The following SND1 variants were observed in gnomAD, a reference collection of about 807,000 sequenced individuals.
SND1 encodes the protein staphylococcal nuclease domain-containing protein 1.
Under a neutral mutation model 121.7 loss-of-function variants are expected in SND1, and 38 were observed. The observed-to-expected ratio is 0.31, with a 90% confidence interval of 0.24 to 0.41. The LOEUF is 0.41. Among genes scored for constraint, SND1 ranks in the 10% least tolerant of loss-of-function variants. SND1 has a pLI of 1.00. For missense variants in SND1, 868 were observed against 1,184.6 expected (o/e 0.73, Z 3.92); for synonymous variants, 401 against 447.4 (o/e 0.90, Z 1.31).
intron 16 of SND1, among the ~76,000 whole-genome samples, chr7:128,022,074 C>T (rs1038366416): frequency 1.3e-5 from 2 of 151,686 alleles, no homozygotes; most frequent in Non-Finnish European, 1.5e-5. Flanking sequence ...CGTGGTGGTG[C>T]GCACCTGTAA....
chr7:128,027,909 T>G (rs912703487), intron 16 of SND1: 1 of 152,198 alleles, frequency 6.6e-6, no homozygotes, highest in African/African-American at 2.4e-5. Context: ...AGGAATCTGG[T>G]GCAATGTGAA....
intron 2 of SND1, 35 bp from the exon 3 acceptor site, chr7:127,694,793 C>A: frequency 1.2e-6 from 2 of 1,609,268 alleles, no homozygotes; most frequent in Non-Finnish European, 1.7e-6. Flanking sequence ...TGAAACTAGG[C>A]AGTTCTCATG....
intron 10 of SND1, among the ~76,000 whole-genome samples, chr7:127,743,061 G>A (rs1015668874): frequency 1.3e-5 from 2 of 152,138 alleles, no homozygotes; most frequent in African/African-American, 2.4e-5. Context: ...CTTGCTTCAG[G>A]AATTTTTGTC....
intron 15 of SND1, among the ~76,000 whole-genome samples, chr7:127,975,473 C>T (rs571840513): frequency 4.0e-5 from 6 of 151,218 alleles, no homozygotes; most frequent in South Asian, 2.1e-4. Context: ...GAGATTGACT[C>T]CCCTCTGCTT....
In SND1 at chr7:128,074,555, G is replaced by A. The variant is rs758019934; in HGVS notation, c.1833G>A (p.Leu611=). The change falls in exon 17 of 24, where the codon CTG becomes CTA. Residue 611 remains leucine (L), a synonymous_variant. Coordinates refer to ENST00000354725, the MANE Select transcript of SND1 (RefSeq NM_014390.4). ...AGGCCGGCAACTTTATCGGCTGGCT[G>A]CACATCGACGGTGCCAACCTGTCCG... ...MDKAGNFIGW[L]HIDGANLSVL... The A allele has an allele frequency of 1.2e-6, 2 of 1,613,354 alleles. No homozygotes were observed. The highest frequency in any genetic ancestry group is 1.7e-5 in the Admixed American group (1 of 59,986).
At chr7:127,914,698 A>G (rs754499902) in intron 14 of SND1, among the ~76,000 whole-genome samples, 1 of 152,226 alleles carries the variant, frequency 6.6e-6, no homozygotes, top group Non-Finnish European at 1.5e-5. Flanking sequence ...GTTAGTAACT[A>G]TAAGCGGGCT....
intron 12 of SND1, among the ~76,000 whole-genome samples, chr7:127,865,530 A>G (rs952335753): frequency 6.6e-6 from 1 of 152,220 alleles, no homozygotes; most frequent in Non-Finnish European, 1.5e-5. Context: ...CAAACAAACA[A>G]AAGATTTAAT....
intron 16 of SND1, among the ~76,000 whole-genome samples, chr7:128,063,332 GCC>G (rs35767136): frequency 6.6e-6 from 1 of 152,200 alleles, no homozygotes; most frequent in Non-Finnish European, 1.5e-5. Context: ...GTGCAAAACA[GCC>G]CCTTCTGTTC....
chr7:128,068,883 T>TTCA (rs2117043494), intron 16 of SND1, among the ~76,000 whole-genome samples: 1 of 152,322 alleles, frequency 6.6e-6, no homozygotes, highest in Non-Finnish European at 1.5e-5. Context: ...CCAGAACAAT[T>TTCA]TCATTAGTGG....
At position 127,652,471 on chromosome 7, in the gene SND1, A is replaced by T. The variant is rs1443251206; in HGVS notation, c.78+20A>T. On this transcript the variant is annotated intron_variant, in intron 1 of 23. Transcript: ENST00000354725. ...AAGATGGTGAGAACGGGCCCCGGAC[A>T]CCGACCCCTCTGCCTGCCTTCGGGC... 9 of 1,551,488 alleles carry T rather than the reference A, an allele frequency of 5.8e-6. No individual in the cohort carries two copies. Among genetic ancestry groups the T allele is most frequent in the Non-Finnish European group, 7.9e-6 (9 of 1,145,768 alleles).
intron 12 of SND1, among the ~76,000 whole-genome samples, chr7:127,869,591 G>A (rs1490665902): frequency 2.0e-5 from 3 of 152,010 alleles, no homozygotes; most frequent in African/African-American, 7.2e-5. Context: ...AAGTGGCAAG[G>A]GTAGTAGAGA....
At chr7:127,667,855 T>G (rs927583295) in intron 1 of SND1, among the ~76,000 whole-genome samples, 180 of 134,690 alleles carry the variant, frequency 1.3e-3, no homozygotes, top group Non-Finnish European at 2.8e-3. Flanking sequence ...TAGGTCTTTA[T>G]GTCAAAATGA....
intron 13 of SND1, 124 bp downstream of exon 13, chr7:127,888,136 A>G: frequency 1.7e-6 from 1 of 584,082 alleles, no homozygotes. Flanking sequence ...ATGTATTATT[A>G]TTCTAGATTT....
chr7:127,794,395 C>T (rs933698032), intron 10 of SND1, among the ~76,000 whole-genome samples: 1 of 152,278 alleles, frequency 6.6e-6, no homozygotes, highest in Non-Finnish European at 1.5e-5. Context: ...AAATCTGGCT[C>T]AGTTGAAGGT....
At chr7:127,833,570 T>C (rs976255903) in intron 11 of SND1, among the ~76,000 whole-genome samples, 3 of 152,120 alleles carry the variant, frequency 2.0e-5, no homozygotes, top group Non-Finnish European at 4.4e-5. Flanking sequence ...CAGCCTGAAC[T>C]GTCTTATTGA....
rs149697857 is a variant in SND1, at chr7:127,749,354, C to T, written c.1152+27954C>T. ...ATAGGCCTGGAAGGTAACTTGGATC[C>T]CAAATGAAACAGTCTTGAAAGCTAT... On this transcript the variant is annotated intron_variant, in intron 10 of 23. Transcript: ENST00000354725. Among the ~76,000 whole-genome samples, 679 of 152,254 alleles carry T rather than the reference C, an allele frequency of 4.5e-3. 17 individuals are homozygous for T. The highest frequency in any genetic ancestry group is 2.2e-3 in the Non-Finnish European group (153 of 68,008).
intron 11 of SND1, among the ~76,000 whole-genome samples, chr7:127,812,075 A>G (rs1269037018): frequency 1.3e-5 from 2 of 152,214 alleles, no homozygotes. Context: ...ACAAGTAAAG[A>G]AACTGGAGCC....
At chr7:127,869,469 T>G (rs191417962) in intron 12 of SND1, among the ~76,000 whole-genome samples, 74 of 152,296 alleles carry the variant, frequency 4.9e-4, no homozygotes, top group Middle Eastern at 3.4e-3. Context: ...TGAGAACTAT[T>G]CTGATTATTC....
chr7:128,090,090 G>C (rs952348387), intron 22 of SND1, among the ~76,000 whole-genome samples: 16 of 152,148 alleles, frequency 1.1e-4, no homozygotes, highest in African/African-American at 3.9e-4. Context: ...CCGAGCCAGA[G>C]CTGTCGAGGA....
Sources: allele counts gnomAD v4.1 joint callset (sites outside exome capture counted in the v4.1 genomes callset), GRCh38; gene constraint gnomAD v4.1.1; transcripts MANE v1.5; gene names NCBI Gene and HGNC (gene_info 2026-07-23, HGNC 2026-07-21).